DIP2B: variants seen among roughly 807,000 people sequenced by gnomAD.
DIP2B encodes the protein disco-interacting protein 2 homolog B.
DIP2B carries 76 observed loss-of-function variants against 198.0 expected under a neutral mutation model. The observed-to-expected ratio is 0.38, with a 90% CI of 0.32 to 0.46. The LOEUF (loss-of-function observed/expected upper bound fraction) is 0.46, where lower values mean the gene tolerates loss of function less well. Among genes scored for constraint, DIP2B ranks in the 20% least tolerant of loss-of-function variants. The pLI is 0.99. For missense variants in DIP2B, 1,559 were observed against 1,978.4 expected, an observed-to-expected ratio of 0.79 and a Z score of 4.02; for synonymous variants, 701 against 739.1, an observed-to-expected ratio of 0.95 and a Z score of 0.84.
chr12:50,562,116 T>A (rs11836763), intron 1 of DIP2B, among the ~76,000 whole-genome samples: 2,691 of 152,308 alleles, frequency 0.018, 91 homozygotes, highest in African/African-American at 0.062. Flanking sequence ...TTATTTTAGT[T>A]ATCTCCCTGA....
intron 1 of DIP2B, among the ~76,000 whole-genome samples, chr12:50,552,806 T>G (rs1958438192): frequency 6.6e-6 from 1 of 152,114 alleles, no homozygotes; most frequent in Non-Finnish European, 1.5e-5. Context: ...GTTTTTTAAA[T>G]TTTTTAAAAT....
At chr12:50,516,247 A>ATCTCTATCTC (rs1958064129) in intron 1 of DIP2B, among the ~76,000 whole-genome samples, 1 of 123,140 alleles carries the variant, frequency 8.1e-6, no homozygotes, top group Non-Finnish European at 1.8e-5. Context: ...CTCTCTCTCT[A>ATCTCTATCTC]TCTCTATCTC....
At chr12:50,658,724 A>T (rs1271701351) in intron 3 of DIP2B, among the ~76,000 whole-genome samples, 1 of 152,226 alleles carries the variant, frequency 6.6e-6, no homozygotes, top group East Asian at 1.9e-4. Context: ...TGCAGCCCTT[A>T]AAAGTTATGT....
intron 22 of DIP2B, among the ~76,000 whole-genome samples, chr12:50,713,059 A>G (rs1255780214): frequency 1.3e-5 from 2 of 152,230 alleles, no homozygotes; most frequent in African/African-American, 4.8e-5. Context: ...GCTTACTTCT[A>G]TAAACTATAT....
chr12:50,553,450 A>G (rs1352069989), intron 1 of DIP2B, among the ~76,000 whole-genome samples: 2 of 152,200 alleles, frequency 1.3e-5, no homozygotes, highest in Non-Finnish European at 2.9e-5. Flanking sequence ...AAAGGCATTA[A>G]GCAATCCTGA....
intron 23 of DIP2B, among the ~76,000 whole-genome samples, chr12:50,714,892 G>A (rs981692772): frequency 2.0e-5 from 3 of 152,144 alleles, no homozygotes; most frequent in Admixed American, 1.3e-4. Flanking sequence ...CCGAGATTGC[G>A]CCATTGCACT....
chr12:50,548,961 T>C (rs1468937146), intron 1 of DIP2B, among the ~76,000 whole-genome samples: 1 of 152,216 alleles, frequency 6.6e-6, no homozygotes, highest in Non-Finnish European at 1.5e-5. Flanking sequence ...GTAATGTGTG[T>C]TCAGGTTTCC....
In DIP2B at chr12:50,638,035, T is replaced by TA. The variant is rs759181287; in HGVS notation, c.173-2686dup. ...TAAAATGTGTACTTTTTATTGTTAC[T>TA]AAACCTTTTAACATCATCACTATTT... On this transcript the variant is annotated intron_variant, in intron 2 of 37. Transcript: ENST00000301180. Among the ~76,000 whole-genome samples the TA allele has an allele frequency of 3.2e-4, 48 of 152,342 alleles. 1 individual carries two copies. Among genetic ancestry groups the TA allele is most frequent in the Middle Eastern group, 3.4e-3 (1 of 294 alleles).
chr12:50,517,439 TGTTA>T (rs917775026), intron 1 of DIP2B, among the ~76,000 whole-genome samples: 6 of 152,004 alleles, frequency 3.9e-5, no homozygotes, highest in Non-Finnish European at 8.8e-5. Context: ...ATCATTCCAG[TGTTA>T]GTTCAGGCAC....
chr12:50,644,553 T>A (rs193128959), intron 3 of DIP2B, among the ~76,000 whole-genome samples: 1 of 152,298 alleles, frequency 6.6e-6, no homozygotes, highest in East Asian at 1.9e-4. Context: ...TTATCAAAGA[T>A]CAAGATGAAT....
At chr12:50,678,464 G>A (rs186917919) in intron 7 of DIP2B, among the ~76,000 whole-genome samples, 2 of 152,264 alleles carry the variant, frequency 1.3e-5, no homozygotes, top group Admixed American at 1.3e-4. Flanking sequence ...GTCAGGATTT[G>A]TTCATTGCAT....
At chr12:50,654,424 T>C (rs1403748620) in intron 3 of DIP2B, among the ~76,000 whole-genome samples, 2 of 151,386 alleles carry the variant, frequency 1.3e-5, no homozygotes, top group Non-Finnish European at 2.9e-5. Flanking sequence ...AGTGTGATCA[T>C]GGCTCAGGCA....
chr12:50,624,633 C>G (rs1238986512), intron 1 of DIP2B, among the ~76,000 whole-genome samples: 2 of 152,106 alleles, frequency 1.3e-5, no homozygotes, highest in Non-Finnish European at 2.9e-5. Flanking sequence ...CACCTGGCCC[C>G]TATTTTCAAG....
At chr12:50,672,658 T>C (rs1360860182) in intron 5 of DIP2B, among the ~76,000 whole-genome samples, 1 of 152,192 alleles carries the variant, frequency 6.6e-6, no homozygotes, top group East Asian at 1.9e-4. Context: ...TGGATGTTTG[T>C]TGTAACAGGA....
At chr12:50,602,567 T>A (rs1257302716) in intron 1 of DIP2B, among the ~76,000 whole-genome samples, 2 of 152,212 alleles carry the variant, frequency 1.3e-5, no homozygotes, top group African/African-American at 2.4e-5. Flanking sequence ...TAAATTAAAA[T>A]TTAATATTTA....
chr12:50,713,544 C>A (rs969826590), intron 22 of DIP2B, among the ~76,000 whole-genome samples: 1 of 152,212 alleles, frequency 6.6e-6, no homozygotes, highest in African/African-American at 2.4e-5. Context: ...CACAGGTACG[C>A]TCAGGGTAGC....
intron 26 of DIP2B, 87 bp downstream of exon 26, chr12:50,721,483 T>G (rs1939834972): frequency 6.4e-7 from 1 of 1,560,540 alleles, no homozygotes; most frequent in African/African-American, 1.4e-5. Flanking sequence ...AGAGCTACTC[T>G]CTATGACTTG....
intron 1 of DIP2B, among the ~76,000 whole-genome samples, chr12:50,558,305 G>A (rs1008745785): frequency 6.6e-6 from 1 of 152,216 alleles, no homozygotes; most frequent in African/African-American, 2.4e-5. Flanking sequence ...ACCCTTAGGG[G>A]TAGCACAAGT....
intron 1 of DIP2B, among the ~76,000 whole-genome samples, chr12:50,532,971 T>A (rs1045665446): frequency 2.0e-5 from 3 of 152,210 alleles, no homozygotes; most frequent in African/African-American, 4.8e-5. Flanking sequence ...TATTTCTGAT[T>A]CATTTGACAG....
Sources: gnomAD v4.1 joint callset for allele counts (sites outside exome capture counted in the v4.1 genomes callset) on GRCh38, gnomAD v4.1.1 for gene constraint, MANE v1.5 for transcripts, NCBI Gene and HGNC (gene_info 2026-07-23, HGNC 2026-07-21) for gene names.